The following CSMD1 variants were observed in gnomAD, a reference collection of about 807,000 sequenced individuals.
CSMD1 encodes CUB and sushi domain-containing protein 1.
A neutral mutation model predicts 417.5 loss-of-function variants in CSMD1; 213 were observed. The ratio of observed to expected loss-of-function variants is 0.51; its 90% confidence interval spans 0.46 to 0.57. The LOEUF (loss-of-function observed/expected upper bound fraction) is 0.57, where lower values mean the gene tolerates loss of function less well. Among genes scored for constraint, CSMD1 ranks in the 20% least tolerant of loss-of-function variants. The probability of loss-of-function intolerance (pLI) is 0.00; values close to 1 mark genes in which losing one functional copy is unlikely to be tolerated. For synonymous variants in CSMD1, 2,862 were observed against 1,736.8 expected (o/e 1.65, Z -16.11); for missense variants, 6,923 against 4,529.7 (o/e 1.53, Z -15.17).
chr8:4,744,581 A>G (rs945766305), intron 1 of CSMD1, among the ~76,000 whole-genome samples: 1 of 152,198 alleles, frequency 6.6e-6, no homozygotes, highest in African/African-American at 2.4e-5. Flanking sequence ...ACACAAAATA[A>G]TATCTTTGGT....
chr8:4,913,590 T>C (rs1177181074), intron 1 of CSMD1, among the ~76,000 whole-genome samples: 2 of 152,210 alleles, frequency 1.3e-5, no homozygotes, highest in Admixed American at 6.5e-5. Context: ...CATTTAATAA[T>C]GCTCCCATCC....
At position 4,971,163 on chromosome 8, in the gene CSMD1, A is replaced by C. The variant is rs536041146; in HGVS notation, c.85+23169T>G. 3.9e-5 allele frequency among the ~76,000 whole-genome samples: 6 copies of C among 152,164 alleles called. No individual in the cohort carries two copies. In the East Asian group the frequency reaches 1.2e-3, roughly 29 times the overall value. ...GGGTCCCTTCCAACTCTCATAATCTATAGTTTTTGAACTCAAAAACAAAGC... is the reference window on the plus strand; with the variant it reads ...GGGTCCCTTCCAACTCTCATAATCTCTAGTTTTTGAACTCAAAAACAAAGC... On this transcript the variant is annotated intron_variant, in intron 1 of 69. Transcript: ENST00000635120.
intron 2 of CSMD1, among the ~76,000 whole-genome samples, chr8:4,448,074 C>A (rs1563184913): frequency 6.6e-6 from 1 of 152,162 alleles, no homozygotes; most frequent in Admixed American, 6.5e-5. Flanking sequence ...GCTTAGCTGT[C>A]CAGTGGAAAT....
intron 26 of CSMD1, among the ~76,000 whole-genome samples, chr8:3,273,718 A>G (rs1052108406): frequency 6.6e-6 from 1 of 152,066 alleles, no homozygotes; most frequent in Non-Finnish European, 1.5e-5. Flanking sequence ...GTTTATTTGC[A>G]TAGAGGTGTT....
intron 5 of CSMD1, among the ~76,000 whole-genome samples, chr8:3,953,798 G>A (rs1423621227): frequency 2.0e-5 from 3 of 152,070 alleles, no homozygotes; most frequent in South Asian, 2.1e-4. Flanking sequence ...ACACCTCAGA[G>A]CTATACAGCC....
chr8:4,429,753 G>C (rs1257826647), intron 2 of CSMD1, among the ~76,000 whole-genome samples: 4 of 152,124 alleles, frequency 2.6e-5, no homozygotes, highest in Non-Finnish European at 4.4e-5. Flanking sequence ...CGTATGCTGA[G>C]ATTCTAGAAG....
chr8:3,463,668 G>A (rs955959766), intron 12 of CSMD1, among the ~76,000 whole-genome samples: 4 of 152,174 alleles, frequency 2.6e-5, no homozygotes, highest in African/African-American at 4.8e-5. Flanking sequence ...GCACTTGGAC[G>A]CTGTTCAATG....
chr8:3,913,529 G>A (rs766858400), intron 5 of CSMD1, among the ~76,000 whole-genome samples: 7 of 152,136 alleles, frequency 4.6e-5, no homozygotes, highest in African/African-American at 9.7e-5. Context: ...AGGATGGAGC[G>A]AGCCCTAGGT....
intron 3 of CSMD1, among the ~76,000 whole-genome samples, chr8:4,289,650 C>T (rs866445745): frequency 6.6e-6 from 1 of 152,158 alleles, no homozygotes; most frequent in Non-Finnish European, 1.5e-5. Flanking sequence ...AGCAGCTGTC[C>T]ATGGTCCTGA....
At chr8:4,483,292 CT>C (rs1276386680) in intron 2 of CSMD1, among the ~76,000 whole-genome samples, 1 of 152,206 alleles carries the variant, frequency 6.6e-6, no homozygotes, top group Non-Finnish European at 1.5e-5. Context: ...AAACCTCTTT[CT>C]TTTGGGAATA....
rs151163424 is a variant in CSMD1 at position 3,049,383 on chromosome 8, T to C, written c.7660+3079A>G. On this transcript the variant is annotated intron_variant, in intron 50 of 69. Coordinates refer to ENST00000635120, the MANE Select transcript of CSMD1 (RefSeq NM_033225.6). Reference sequence around the variant, plus strand: ...AATAAGCCATGGTCCATACAGACAATGGAATATTGTTCAGTACTAAAAAGA... The same window carrying C: ...AATAAGCCATGGTCCATACAGACAACGGAATATTGTTCAGTACTAAAAAGA... Among the ~76,000 whole-genome samples the C allele has an allele frequency of 5.5e-3, 841 of 152,234 alleles. 8 individuals are homozygous for C. Among genetic ancestry groups the C allele is most frequent in the African/African-American group, 0.019 (785 of 41,564 alleles).
At chr8:3,568,734 C>T (rs932745813) in intron 10 of CSMD1, among the ~76,000 whole-genome samples, 34 of 151,558 alleles carry the variant, frequency 2.2e-4, no homozygotes, top group Non-Finnish European at 5.0e-4. Context: ...TATATATATA[C>T]ACATATATAT....
intron 2 of CSMD1, among the ~76,000 whole-genome samples, chr8:4,559,130 T>C (rs1346829365): frequency 6.6e-6 from 1 of 152,174 alleles, no homozygotes; most frequent in Admixed American, 6.5e-5. Context: ...AATACGCAAA[T>C]AGGCCCTTGC....
At chr8:3,845,284 G>A (rs1362954261) in intron 5 of CSMD1, among the ~76,000 whole-genome samples, 2 of 152,182 alleles carry the variant, frequency 1.3e-5, no homozygotes, top group Non-Finnish European at 2.9e-5. Context: ...ATCGTAGAGT[G>A]AACTCACAGA....
chr8:3,196,915 C>G (rs1796736637), intron 33 of CSMD1, among the ~76,000 whole-genome samples: 1 of 152,166 alleles, frequency 6.6e-6, no homozygotes, highest in Non-Finnish European at 1.5e-5. Flanking sequence ...TGGATACATC[C>G]ATGCTGAAGG....
chr8:4,871,775 C>T (rs978726082), intron 1 of CSMD1, among the ~76,000 whole-genome samples: 6 of 152,108 alleles, frequency 3.9e-5, no homozygotes, highest in African/African-American at 1.5e-4. Flanking sequence ...TCTTTTGAAA[C>T]TGTACATTTA....
chr8:3,754,605 C>A (rs2129054063), intron 5 of CSMD1, among the ~76,000 whole-genome samples: 1 of 152,288 alleles, frequency 6.6e-6, no homozygotes, highest in East Asian at 1.9e-4. Flanking sequence ...CAGGCATGCG[C>A]CATCATGCCT....
intron 1 of CSMD1, among the ~76,000 whole-genome samples, chr8:4,965,552 T>C (rs564003195): frequency 2.6e-5 from 4 of 152,350 alleles, no homozygotes; most frequent in African/African-American, 9.6e-5. Flanking sequence ...GTTTAACATC[T>C]TTCAGAACCA....
intron 2 of CSMD1, among the ~76,000 whole-genome samples, chr8:4,578,588 G>C (rs947080019): frequency 2.0e-5 from 3 of 151,270 alleles, no homozygotes; most frequent in African/African-American, 7.3e-5. Context: ...AGGCCAAGGT[G>C]GGCGGTTCAC....
Sources: gnomAD v4.1 joint callset for allele counts (sites outside exome capture counted in the v4.1 genomes callset) on GRCh38, gnomAD v4.1.1 for gene constraint, MANE v1.5 for transcripts, NCBI Gene and HGNC (gene_info 2026-07-23, HGNC 2026-07-21) for gene names.